Variants in ZNF714 observed in about 807,000 individuals in gnomAD.
ZNF714 encodes zinc finger protein 714.
In ZNF714, 32 loss-of-function variants were observed where a neutral mutation model predicts 46.2. That is an observed-to-expected ratio of 0.69 (90% confidence interval 0.52 to 0.93). The LOEUF (loss-of-function observed/expected upper bound fraction) is 0.93, where lower values mean the gene tolerates loss of function less well. Among genes scored for constraint, ZNF714 ranks in the 40% least tolerant of loss-of-function variants. ZNF714 has a pLI of 0.00. For synonymous variants in ZNF714, 199 were observed against 213.1 expected (o/e 0.93, Z 0.58); for missense variants, 635 against 646.3 (o/e 0.98, Z 0.19).
At chr19:21,098,934 A>T (rs1969105527) in intron 4 of ZNF714, 24 bp downstream of exon 4, 3 of 1,216,320 alleles carry the variant, frequency 2.5e-6, no homozygotes, top group Non-Finnish European at 3.6e-6. Context: ...AACACAACAG[A>T]TGACACAGAT....
At position 21,084,003 on chromosome 19, in the gene ZNF714, C is replaced by A; in HGVS notation, c.-151C>A. On this transcript the variant is annotated 5_prime_UTR_variant, in exon 2 of 5. Coordinates refer to ENST00000456283, the MANE Select transcript of ZNF714 (RefSeq NM_182515.4). ...GGCGACCTGAGGTCTGGAGTGTATCCTCTCAAGGGAGCAAGTGGATCCCTG... is the reference window on the plus strand; with the variant it reads ...GGCGACCTGAGGTCTGGAGTGTATCATCTCAAGGGAGCAAGTGGATCCCTG... The A allele has an allele frequency of 7.8e-7, 1 of 1,274,748 alleles. No homozygotes were observed. The highest frequency in any genetic ancestry group is 1.0e-6 in the Non-Finnish European group (1 of 984,620). 79.0% of individuals were successfully genotyped at this position (1,274,748 alleles called of 1,614,324 possible).
Position 21,117,099 on chromosome 19 carries a change from C to T in ZNF714, c.435C>T (p.Phe145=), listed in dbSNP as rs1359720968. ...CAAGACATACTGGAGAGAAACCTTT[C>T]AAATGTAAAAAATGTGATGAATCAT... The part of the protein sequence containing the change: ...HKTRHTGEKP[F]KCKKCDESFC... Residue 145 remains phenylalanine, a synonymous_variant, in exon 5 of 5, where the codon TTC becomes TTT. Coordinates refer to ENST00000456283, the MANE Select transcript of ZNF714 (RefSeq NM_182515.4). The T allele has an allele frequency of 6.2e-7, 1 of 1,613,530 alleles. No homozygotes were observed.
chr19:21,086,378 C>T (rs1968779553), intron 2 of ZNF714, among the ~76,000 whole-genome samples: 1 of 152,146 alleles, frequency 6.6e-6, no homozygotes, highest in African/African-American at 2.4e-5. Context: ...ATGGCTTACT[C>T]CATAGGCAGG....
chr19:21,112,005 G>A (rs190926880), intron 4 of ZNF714, among the ~76,000 whole-genome samples: 14 of 152,222 alleles, frequency 9.2e-5, no homozygotes, highest in African/African-American at 2.9e-4. Flanking sequence ...GAGAATGTTT[G>A]TATTAATGTT....
chr19:21,089,453 G>A lies in ZNF714; in HGVS notation c.-85+5384G>A, dbSNP rs28781670. ...GGTGTTCTGAAAAAGGAAAATTCAA[G>A]GTGGTTTCTGGAGGGGAAGAGAATC... On this transcript the variant is annotated intron_variant, in intron 2 of 4. Transcript: ENST00000456283. 3.9e-3 allele frequency among the ~76,000 whole-genome samples: 601 copies of A among 152,300 alleles called. 5 individuals are homozygous for A. The highest frequency in any genetic ancestry group is 0.014 in the African/African-American group (573 of 41,546).
chr19:21,097,881 A>G (rs1320624945), intron 2 of ZNF714, among the ~76,000 whole-genome samples: 1 of 152,098 alleles, frequency 6.6e-6, no homozygotes, highest in East Asian at 1.9e-4. Flanking sequence ...TCTGAAAAAT[A>G]TACACAACTC....
At position 21,100,351 on chromosome 19, in the gene ZNF714, C is replaced by T. The variant is rs190383817; in HGVS notation, c.142+1441C>T. Among the ~76,000 whole-genome samples the T allele has an allele frequency of 7.0e-3, 1,064 of 151,554 alleles. 16 individuals carry two copies. Among genetic ancestry groups the T allele is most frequent in the African/African-American group, 0.025 (1,017 of 41,326 alleles). ...CAGCCTGACCAACATGGAGAAACCC[C>T]GTCTCTACTAAAAATACAAAAGTGG... On this transcript the variant is annotated intron_variant, in intron 4 of 4. Coordinates refer to ENST00000456283, the MANE Select transcript of ZNF714 (RefSeq NM_182515.4).
At chr19:21,111,879 A>G (rs1224371187) in intron 4 of ZNF714, among the ~76,000 whole-genome samples, 2 of 152,138 alleles carry the variant, frequency 1.3e-5, no homozygotes, top group Non-Finnish European at 2.9e-5. Flanking sequence ...GTGATGAATT[A>G]TGTTTATCGA....
At chr19:21,099,080 T>G (rs1969110200) in intron 4 of ZNF714, among the ~76,000 whole-genome samples, 170 bp downstream of exon 4, 2 of 152,250 alleles carry the variant, frequency 1.3e-5, no homozygotes, top group Admixed American at 1.3e-4. Context: ...AAGGGCATCT[T>G]CTGTCTTATG....
chr19:21,120,103 A>G lies in ZNF714; in HGVS notation c.*1771A>G, dbSNP rs7253950. ...TTCGTCCAGGCTGGAGCACAGTGGC[A>G]TGATCTCGGCTCACTGCAACCTTCA... On this transcript the variant is annotated 3_prime_UTR_variant, in exon 5 of 5. Transcript: ENST00000456283. 0.82 allele frequency: 124,699 copies of G among 152,186 alleles called. 53,005 individuals carry two copies. Among genetic ancestry groups the G allele is most frequent in the Middle Eastern group, 0.94 (275 of 294 alleles). The allele number at this position is 152,186 out of a possible 1,614,324, so 9.4% of individuals were successfully genotyped here.
rs539381559 is a variant in ZNF714, at chr19:21,099,393, T to G, written c.142+483T>G. Among the ~76,000 whole-genome samples, 5 of 152,258 alleles carry G rather than the reference T, an allele frequency of 3.3e-5. No homozygotes were observed. In the East Asian group the frequency reaches 7.7e-4, roughly 24 times the overall value. On this transcript the variant is annotated intron_variant, in intron 4 of 4. Transcript: ENST00000456283. ...CGGGTTTTTACCATGTTGGCCAGGC[T>G]GGTCTTGTACTCCTGTCCTCAAGTG...
At chr19:21,084,183 A>G (rs1968722224) in intron 2 of ZNF714, 114 bp downstream of exon 2, 1 of 294,866 alleles carries the variant, frequency 3.4e-6, no homozygotes, top group Admixed American at 6.5e-5. Context: ...ATAGTGTTAA[A>G]AAGAAAAAAA....
rs535871725 is a variant in ZNF714 at position 21,108,054 on chromosome 19, G to A, written c.143-8753G>A. On this transcript the variant is annotated intron_variant, in intron 4 of 4. Transcript: ENST00000456283. Reference sequence around the variant, plus strand: ...TCTTTCCACCTCAGCCTCCTATGTAGCTGAGACTACAGACATGCACTACCA... The same window carrying A: ...TCTTTCCACCTCAGCCTCCTATGTAACTGAGACTACAGACATGCACTACCA... Among the ~76,000 whole-genome samples, 4 of 152,170 alleles carry A rather than the reference G, an allele frequency of 2.6e-5. No homozygotes were observed. The East Asian group carries it at 7.7e-4, about 29-fold the overall frequency.
intron 2 of ZNF714, among the ~76,000 whole-genome samples, chr19:21,084,702 AT>A (rs36069214): frequency 0.05 from 6,788 of 135,222 alleles, 128 homozygotes; most frequent in Non-Finnish European, 0.063. Context: ...AAGGTAGGAA[AT>A]TTTTTTTTTT....
chr19:21,091,905 G>A (rs1968917689), intron 2 of ZNF714: 1 of 152,224 alleles, frequency 6.6e-6, no homozygotes, highest in African/African-American at 2.4e-5. Context: ...TGAGGGCAAT[G>A]TTGTGAGACT....
chr19:21,106,288 G>A (rs1038178652), intron 4 of ZNF714, among the ~76,000 whole-genome samples: 14 of 151,198 alleles, frequency 9.3e-5, no homozygotes, highest in African/African-American at 2.7e-4. Context: ...AATAAAATCG[G>A]GCCGGGCACG....
intron 4 of ZNF714, among the ~76,000 whole-genome samples, chr19:21,105,605 A>G (rs1969291944): frequency 1.3e-5 from 2 of 152,020 alleles, no homozygotes; most frequent in South Asian, 4.1e-4. Context: ...GAGATTCGCT[A>G]GTTTTTTGTT....
chr19:21,108,542 A>G (rs1378877407), intron 4 of ZNF714, among the ~76,000 whole-genome samples: 1 of 152,206 alleles, frequency 6.6e-6, no homozygotes. Flanking sequence ...TGGTTCATTT[A>G]AAGAAACTGA....
At chr19:21,102,304 ATAAAT>A (rs535820839) in intron 4 of ZNF714, among the ~76,000 whole-genome samples, 181 of 152,344 alleles carry the variant, frequency 1.2e-3, no homozygotes, top group African/African-American at 4.2e-3. Flanking sequence ...TATGCCTGAA[ATAAAT>A]TAGATAATTG....
Sources: gnomAD v4.1 joint callset for allele counts (sites outside exome capture counted in the v4.1 genomes callset) on GRCh38, gnomAD v4.1.1 for gene constraint, MANE v1.5 for transcripts, NCBI Gene and HGNC (gene_info 2026-07-23, HGNC 2026-07-21) for gene names.